The following NUP188 variants were observed in gnomAD, a reference collection of about 807,000 sequenced individuals.
NUP188 encodes the protein nucleoporin 188.
A neutral mutation model predicts 223.0 loss-of-function variants in NUP188; 97 were observed. The ratio of observed to expected loss-of-function variants is 0.43; its 90% CI spans 0.37 to 0.51. The LOEUF is 0.51. Among genes scored for constraint, NUP188 ranks in the 20% least tolerant of loss-of-function variants. The pLI is 0.00. For missense variants in NUP188, 1,947 were observed against 2,175.6 expected, an observed-to-expected ratio of 0.89 and a Z score of 2.09; for synonymous variants, 869 against 828.0, an observed-to-expected ratio of 1.05 and a Z score of -0.85.
intron 4 of NUP188, 56 bp from the exon 5 acceptor site, chr9:128,956,896 C>G (rs1314228552): frequency 8.2e-7 from 1 of 1,212,888 alleles, no homozygotes; most frequent in African/African-American, 1.5e-5. Flanking sequence ...TTTAAATTCT[C>G]TGCATCCTGT....
intron 23 of NUP188, 151 bp downstream of exon 23, chr9:128,987,868 T>C (rs1842360795): frequency 8.2e-7 from 1 of 1,212,686 alleles, no homozygotes; most frequent in Non-Finnish European, 1.2e-6. Context: ...GGCTGCTGTA[T>C]AGATTGGCGT....
At chr9:128,983,115 AC>A in intron 17 of NUP188, 87 bp downstream of exon 17, 1 of 1,555,238 alleles carries the variant, frequency 6.4e-7, no homozygotes, top group Non-Finnish European at 8.8e-7. Context: ...ACACATACCC[AC>A]TGGGTTAAAG....
chr9:128,993,758 T>C (rs1190467831), intron 27 of NUP188, 64 bp downstream of exon 27: 2 of 1,459,054 alleles, frequency 1.4e-6, no homozygotes, highest in East Asian at 4.7e-5. Context: ...ATAATAGCTC[T>C]TATCCCAGAG....
intron 11 of NUP188, among the ~76,000 whole-genome samples, chr9:128,971,665 G>T (rs1020831185): frequency 3.9e-5 from 6 of 152,134 alleles, no homozygotes; most frequent in Admixed American, 1.3e-4. Context: ...TGATCCACCC[G>T]CCTCGGCCTC....
intron 28 of NUP188, 57 bp from the exon 29 acceptor site, chr9:128,994,799 A>G: frequency 7.2e-7 from 1 of 1,385,590 alleles, no homozygotes; most frequent in South Asian, 1.2e-5. Context: ...TGTTTGATAT[A>G]CTGGGGGAGA....
chr9:128,952,083 A>G (rs911680326), intron 2 of NUP188, among the ~76,000 whole-genome samples: 1 of 152,134 alleles, frequency 6.6e-6, no homozygotes, highest in African/African-American at 2.4e-5. Flanking sequence ...CTGAGCCACC[A>G]TGCCTGGCCG....
Position 128,982,633 on chromosome 9 carries a change from ACTC to A in NUP188, c.1604_1606del (p.Ser535del). On this transcript the variant is annotated inframe_deletion, in exon 16 of 44. Transcript: ENST00000372577. ...AGGGCATACCTGGTACGCTGGGAAT[ACTC>A]CTATAGCAGCTGGACCCTCTTTACC... 6.2e-7 allele frequency: 1 copy of A among 1,613,924 alleles called. No individual in the cohort carries two copies. Among genetic ancestry groups the A allele is most frequent in the Middle Eastern group, 1.7e-4 (1 of 6,054 alleles).
chr9:128,979,271 G>A lies in NUP188; in HGVS notation c.1213G>A (p.Asp405Asn). The A allele has an allele frequency of 6.2e-7, 1 of 1,611,114 alleles. No homozygotes were observed. The highest frequency in any genetic ancestry group is 8.5e-7 in the Non-Finnish European group (1 of 1,177,918). ...TCCCTTCCTCAAACAGGATATAATT[G>A]ATACAGCATGTGAAGTATTGGCCGA... is the stretch of plus-strand genomic sequence containing the variant. ...HTLGNQQDII[D>N]TACEVLADPS... Residue 405 changes from aspartate to asparagine, a missense_variant, in exon 13 of 44, where the codon GAT (aspartate) becomes AAT (asparagine). Asp to Asn is a conservative substitution (Grantham distance 23). Around this residue, in one of 3 missense-constraint regions of NUP188, gnomAD observed 817 missense variants for 865.8 expected, o/e 0.94. Transcript: ENST00000372577.
At chr9:128,982,466 T>G in intron 15 of NUP188, 83 bp from the exon 16 acceptor site, 5 of 1,203,730 alleles carry the variant, frequency 4.2e-6, no homozygotes, top group African/African-American at 1.5e-5. Flanking sequence ...TATCTCTGTG[T>G]GTTTAAAATA....
rs1459729046 is a variant in NUP188, at chr9:128,973,232, A to G, written c.1186A>G (p.Thr396Ala). 3.1e-6 allele frequency: 5 copies of G among 1,612,792 alleles called. No homozygotes were observed. The Admixed American group carries it at 6.7e-5, about 22-fold the overall frequency. ...SFVLTSLELHTLGNQQDIIDT... is the reference protein window; with the variant it reads ...SFVLTSLELHALGNQQDIIDT... Reference sequence around the variant, plus strand: ...CGTTCTGACCTCGTTGGAGCTGCACACCCTGGGCAATCAGCAGGTCAGTGT... The same window carrying G: ...CGTTCTGACCTCGTTGGAGCTGCACGCCCTGGGCAATCAGCAGGTCAGTGT... Residue 396 changes from threonine (T) to alanine (A), a missense_variant, in exon 12 of 44, where the codon ACC becomes GCC. By Grantham distance (58) the Thr-to-Ala change is moderately conservative. Coordinates refer to ENST00000372577, the MANE Select transcript of NUP188 (RefSeq NM_015354.3).
intron 34 of NUP188, among the ~76,000 whole-genome samples, chr9:129,000,928 C>T (rs553595079): frequency 3.3e-5 from 5 of 152,000 alleles, no homozygotes; most frequent in South Asian, 4.2e-4. Flanking sequence ...GTCCCAGCTA[C>T]TCGGGAGGCT....
chr9:128,998,258 TC>T, intron 31 of NUP188, 30 bp downstream of exon 31: 1 of 1,574,976 alleles, frequency 6.3e-7, no homozygotes, highest in Non-Finnish European at 8.7e-7. Context: ...TTTACATTTC[TC>T]CCAGGGAGGT....
intron 2 of NUP188, among the ~76,000 whole-genome samples, chr9:128,952,361 T>C (rs1243887239): frequency 2.0e-5 from 3 of 147,160 alleles, no homozygotes; most frequent in Non-Finnish European, 4.4e-5. Flanking sequence ...ATTGCGCCAC[T>C]GCACTCCATC....
At chr9:128,967,620 T>C (rs1292592913) in intron 8 of NUP188, among the ~76,000 whole-genome samples, 1 of 151,852 alleles carries the variant, frequency 6.6e-6, no homozygotes, top group African/African-American at 2.4e-5. Flanking sequence ...TGAAACCCTG[T>C]CTCTACTAAA....
intron 11 of NUP188, 35 bp from the exon 12 acceptor site, chr9:128,973,125 C>A: frequency 7.1e-7 from 1 of 1,402,192 alleles, no homozygotes; most frequent in Non-Finnish European, 1.0e-6. Flanking sequence ...AGTTGTATTA[C>A]TCAGAATGAT....
intron 15 of NUP188, 117 bp downstream of exon 15, chr9:128,981,507 G>T (rs1029894968): frequency 6.6e-6 from 7 of 1,059,060 alleles, no homozygotes; most frequent in African/African-American, 3.2e-5. Flanking sequence ...CAAATTCTTG[G>T]GCTCAAGTGA....
rs867461438 is a variant in NUP188 at position 128,983,610 on chromosome 9, A to G, written c.1961+60A>G. The G allele has an allele frequency of 8.1e-6, 9 of 1,116,646 alleles. No homozygotes were observed. The South Asian group carries it at 1.2e-4, about 14-fold the overall frequency. The allele number at this position is 1,116,646 out of a possible 1,614,324, so 69.2% of individuals were successfully genotyped here. On this transcript the variant is annotated intron_variant, in intron 19 of 43. Transcript: ENST00000372577. Reference sequence around the variant, plus strand: ...CTAGTGAGAACCACATATGTCTCAGATCTAGCCTAGGTTTATTAATTTTAT... The same window carrying G: ...CTAGTGAGAACCACATATGTCTCAGGTCTAGCCTAGGTTTATTAATTTTAT...
At chr9:128,998,391 G>A in intron 31 of NUP188, 147 bp from the exon 32 acceptor site, 12 of 950,658 alleles carry the variant, frequency 1.3e-5, no homozygotes, top group Non-Finnish European at 2.0e-5. Flanking sequence ...GAGCTCTGCT[G>A]CTGCCATGCC....
rs764283554 is a variant in NUP188, at chr9:128,973,268, T to C, written c.1203+19T>C. 14 of 1,595,156 alleles carry C rather than the reference T, an allele frequency of 8.8e-6. No individual in the cohort carries two copies. The highest frequency in any genetic ancestry group is 9.4e-6 in the Non-Finnish European group (11 of 1,164,804). On this transcript the variant is annotated intron_variant, in intron 12 of 43. Coordinates refer to ENST00000372577, the MANE Select transcript of NUP188 (RefSeq NM_015354.3). ...TCAGCAGGTCAGTGTCTGGCTTTCATGAAGCTGTCTCTACTGCCCAGCTTT... is the reference window on the plus strand; with the variant it reads ...TCAGCAGGTCAGTGTCTGGCTTTCACGAAGCTGTCTCTACTGCCCAGCTTT...
Sources: gnomAD v4.1 joint callset for allele counts (sites outside exome capture counted in the v4.1 genomes callset) on GRCh38, gnomAD v4.1.1 for gene constraint, gnomAD v4.1.1 regional missense constraint, MANE v1.5 for transcripts, NCBI Gene and HGNC (gene_info 2026-07-23, HGNC 2026-07-21) for gene names.